The following EHBP1 variants were observed in gnomAD, a reference collection of about 807,000 sequenced individuals.
EHBP1 encodes EH domain-binding protein 1.
EHBP1 carries 55 observed loss-of-function variants against 144.0 expected under a neutral mutation model. The ratio of observed to expected loss-of-function variants is 0.38; its 90% CI spans 0.31 to 0.48. EHBP1 has a LOEUF of 0.48. EHBP1 is among the 20% of genes least tolerant of loss of function. The probability of loss-of-function intolerance (pLI) is 0.98; values close to 1 mark genes in which losing one functional copy is unlikely to be tolerated. For missense variants in EHBP1, 1,200 were observed against 1,364.2 expected, an observed-to-expected ratio of 0.88 and a Z score of 1.90; for synonymous variants, 469 against 472.7, an observed-to-expected ratio of 0.99 and a Z score of 0.10.
chr2:62,686,700 T>C (rs1231276568), intron 1 of EHBP1, among the ~76,000 whole-genome samples: 1 of 152,232 alleles, frequency 6.6e-6, no homozygotes. Context: ...CTTGCATTAA[T>C]GGTAAGCGAA....
chr2:63,009,201 T>G (rs1374617677), intron 19 of EHBP1, among the ~76,000 whole-genome samples: 1 of 151,686 alleles, frequency 6.6e-6, no homozygotes, highest in Admixed American at 6.6e-5. Flanking sequence ...TTATTTTTGA[T>G]TCCCAAGAGA....
chr2:62,677,854 TTAAC>T (rs1298437713), intron 1 of EHBP1, among the ~76,000 whole-genome samples: 1 of 152,202 alleles, frequency 6.6e-6, no homozygotes, highest in Admixed American at 6.5e-5. Context: ...TCCACTGTGA[TTAAC>T]TACCACATTT....
intron 8 of EHBP1, among the ~76,000 whole-genome samples, chr2:62,863,837 G>GTTTTTTTTTTTTTT (rs1354945636): frequency 2.7e-5 from 2 of 74,576 alleles, no homozygotes; most frequent in African/African-American, 9.8e-5. Flanking sequence ...ATTTTTCTGT[G>GTTTTTTTTTTTTTT]TTGTTTTTTT....
At chr2:62,838,477 A>G (rs2047491085) in intron 7 of EHBP1, among the ~76,000 whole-genome samples, 1 of 152,164 alleles carries the variant, frequency 6.6e-6, no homozygotes, top group Non-Finnish European at 1.5e-5. Flanking sequence ...AGAAGGCAAG[A>G]AACAACTAAA....
At chr2:62,927,950 G>GA (rs1415035562) in intron 10 of EHBP1, among the ~76,000 whole-genome samples, 3 of 151,510 alleles carry the variant, frequency 2.0e-5, no homozygotes, top group South Asian at 2.1e-4. Flanking sequence ...ATGGAAAACT[G>GA]AAAAAAAATC....
At chr2:62,799,806 A>G (rs959765886) in intron 5 of EHBP1, among the ~76,000 whole-genome samples, 22 of 152,224 alleles carry the variant, frequency 1.4e-4, no homozygotes, top group Non-Finnish European at 1.0e-4. Flanking sequence ...GTTCAAGGAA[A>G]AAAAGCGTGT....
intron 14 of EHBP1, among the ~76,000 whole-genome samples, chr2:62,958,321 A>G (rs920891419): frequency 6.6e-6 from 1 of 152,246 alleles, no homozygotes; most frequent in African/African-American, 2.4e-5. Context: ...TTAAATGTCC[A>G]TCACCAGACA....
chr2:62,758,970 A>G (rs751815215), intron 3 of EHBP1, among the ~76,000 whole-genome samples: 5 of 152,232 alleles, frequency 3.3e-5, no homozygotes, highest in East Asian at 1.9e-4. Flanking sequence ...AAATATTTCA[A>G]TTTTACAGGA....
At chr2:62,878,520 A>G (rs751268364) in intron 10 of EHBP1, among the ~76,000 whole-genome samples, 2 of 152,224 alleles carry the variant, frequency 1.3e-5, no homozygotes, top group Non-Finnish European at 2.9e-5. Flanking sequence ...AAAAAAGGAA[A>G]ACTTCAGGTC....
chr2:62,694,678 C>G (rs2034023215), intron 1 of EHBP1, among the ~76,000 whole-genome samples: 1 of 152,152 alleles, frequency 6.6e-6, no homozygotes, highest in Admixed American at 6.5e-5. Flanking sequence ...TCTTCCAGCA[C>G]CTCACCTCCA....
At chr2:63,022,317 TTTC>T (rs1291024233) in intron 19 of EHBP1, among the ~76,000 whole-genome samples, 1 of 151,926 alleles carries the variant, frequency 6.6e-6, no homozygotes, top group Non-Finnish European at 1.5e-5. Flanking sequence ...CCTCCTCCTC[TTTC>T]TTCTTTTTCT....
exon 1 of EHBP1, chr2:62,673,886 A>G (rs2033192715): frequency 2.6e-5 from 10 of 381,962 alleles, no homozygotes; most frequent in South Asian, 2.0e-4. Context: ...GTAACATCTG[A>G]CTCTCCCTCC....
At chr2:62,725,429 G>C (rs1054540022) in intron 2 of EHBP1, among the ~76,000 whole-genome samples, 3 of 152,224 alleles carry the variant, frequency 2.0e-5, no homozygotes, top group Non-Finnish European at 4.4e-5. Context: ...GGGGCCCCCT[G>C]CTGGCAACTG....
chr2:62,864,881 A>G lies in EHBP1; in HGVS notation c.908A>G (p.Gln303Arg). 1 of 1,614,104 alleles carries G rather than the reference A, an allele frequency of 6.2e-7. No individual in the cohort carries two copies. The highest frequency in any genetic ancestry group is 8.5e-7 in the Non-Finnish European group (1 of 1,179,988). Residue 303 changes from glutamine (Q) to arginine (R), a missense_variant, in exon 9 of 23, where the codon CAG (glutamine) becomes CGG (arginine). Gln to Arg is a conservative substitution (Grantham distance 43, BLOSUM62 1). This residue lies in a region of EHBP1 where 266 missense variants were observed against 262.4 expected (regional missense o/e 1.01). Coordinates refer to ENST00000431489, the MANE Select transcript of EHBP1 (RefSeq NM_001142616.3). ...AFVTIKDSPP[Q>R]STKRKNIRPV... The stretch of plus-strand genomic sequence containing the variant: ...GTGACCATAAAGGATTCTCCTCCCC[A>G]GTCTACAAAAAGAAAAAATATAAGA...
intron 5 of EHBP1, among the ~76,000 whole-genome samples, chr2:62,801,545 G>A (rs979919796): frequency 2.0e-5 from 3 of 152,068 alleles, no homozygotes; most frequent in East Asian, 1.9e-4. Context: ...TTAAAAATAC[G>A]TGCTTTCAGT....
chr2:62,782,429 G>C, intron 5 of EHBP1, among the ~76,000 whole-genome samples: 1 of 152,102 alleles, frequency 6.6e-6, no homozygotes, highest in South Asian at 2.1e-4. Context: ...TTTTTTTCTC[G>C]GATAAAACTA....
chr2:62,978,905 TTAA>T (rs1424024384), intron 14 of EHBP1, among the ~76,000 whole-genome samples: 2 of 152,242 alleles, frequency 1.3e-5, no homozygotes, highest in South Asian at 2.1e-4. Flanking sequence ...GATTCTTTTA[TTAA>T]TAATAATTTC....
chr2:62,837,931 C>T (rs1405546990), intron 7 of EHBP1, among the ~76,000 whole-genome samples: 21 of 145,970 alleles, frequency 1.4e-4, no homozygotes, highest in South Asian at 6.9e-4. Flanking sequence ...GACAGATCAA[C>T]GAGACAGAAA....
intron 7 of EHBP1, among the ~76,000 whole-genome samples, chr2:62,851,897 A>G (rs1376143768): frequency 6.6e-6 from 1 of 152,298 alleles, no homozygotes; most frequent in East Asian, 1.9e-4. Flanking sequence ...AATTACTTTG[A>G]ATTAGTTAAT....
Sources: gnomAD v4.1 joint callset for allele counts (sites outside exome capture counted in the v4.1 genomes callset) on GRCh38, gnomAD v4.1.1 for gene constraint, gnomAD v4.1.1 regional missense constraint, MANE v1.5 for transcripts, NCBI Gene and HGNC (gene_info 2026-07-23, HGNC 2026-07-21) for gene names.